Variants in PIKFYVE observed in about 807,000 individuals in gnomAD.
The protein encoded by PIKFYVE is phosphoinositide kinase, FYVE-type zinc finger containing.
In PIKFYVE, 122 loss-of-function variants were observed where a neutral mutation model predicts 257.9. The observed-to-expected ratio is 0.47, with a 90% CI of 0.41 to 0.55. PIKFYVE has a LOEUF of 0.55. Ranked by LOEUF, PIKFYVE falls within the 20% of genes least tolerant of loss-of-function variation. PIKFYVE has a pLI of 0.00. For synonymous variants in PIKFYVE, 892 were observed against 868.9 expected (o/e 1.03, Z -0.47); for missense variants, 2,160 against 2,536.6 (o/e 0.85, Z 3.19).
At chr2:208,350,994 C>T in intron 37 of PIKFYVE, 47 bp downstream of exon 37, 3 of 1,606,686 alleles carry the variant, frequency 1.9e-6, no homozygotes, top group Non-Finnish European at 1.7e-6. Flanking sequence ...GTCTTCATCT[C>T]TTTACCTCAG....
At chr2:208,351,782 C>T (rs559602393) in intron 38 of PIKFYVE, among the ~76,000 whole-genome samples, 1 of 152,298 alleles carries the variant, frequency 6.6e-6, no homozygotes, top group South Asian at 2.1e-4. Context: ...CTAACCAGAT[C>T]TTGCGTGAAC....
intron 4 of PIKFYVE, among the ~76,000 whole-genome samples, 194 bp downstream of exon 4, chr2:208,277,024 G>A (rs1690200245): frequency 6.6e-6 from 1 of 152,048 alleles, no homozygotes; most frequent in African/African-American, 2.4e-5. Context: ...GTTATCCTTA[G>A]TGCTTTTCGC....
intron 3 of PIKFYVE, among the ~76,000 whole-genome samples, chr2:208,276,255 A>G (rs959702173): frequency 4.6e-5 from 7 of 152,252 alleles, no homozygotes; most frequent in Admixed American, 4.6e-4. Context: ...TATATGGTCT[A>G]CAGATATAGA....
chr2:208,355,168 C>G, intron 41 of PIKFYVE, 22 bp from the exon 42 acceptor site: 1 of 1,580,802 alleles, frequency 6.3e-7, no homozygotes, highest in Non-Finnish European at 8.7e-7. Flanking sequence ...CTTTTTCCCC[C>G]TTTTCTCTTT....
intron 18 of PIKFYVE, 88 bp downstream of exon 18, chr2:208,324,370 T>G: frequency 7.2e-7 from 1 of 1,386,990 alleles, no homozygotes; most frequent in Non-Finnish European, 1.0e-6. Flanking sequence ...AAGAATCTTT[T>G]TTTCTTTGCT....
chr2:208,318,920 C>CA (rs1225568407), intron 16 of PIKFYVE, among the ~76,000 whole-genome samples: 2 of 132,658 alleles, frequency 1.5e-5, no homozygotes, highest in African/African-American at 5.6e-5. Context: ...CACTGCAGTG[C>CA]AGTCTGGGCA....
chr2:208,277,450 C>A, intron 4 of PIKFYVE, 87 bp from the exon 5 acceptor site: 1 of 1,460,006 alleles, frequency 6.8e-7, no homozygotes, highest in Non-Finnish European at 9.6e-7. Context: ...TTGTTTTCTG[C>A]AAAAGAAACC....
At chr2:208,297,673 A>T (rs1275124683) in intron 7 of PIKFYVE, among the ~76,000 whole-genome samples, 2 of 152,172 alleles carry the variant, frequency 1.3e-5, no homozygotes, top group Non-Finnish European at 2.9e-5. Context: ...GAAGATACAG[A>T]TACTGCCCTA....
At chr2:208,315,839 G>A (rs1023310245) in intron 15 of PIKFYVE, among the ~76,000 whole-genome samples, 4 of 24,690 alleles carry the variant, frequency 1.6e-4, no homozygotes, top group Non-Finnish European at 4.6e-4. Flanking sequence ...CATTTTTTGC[G>A]ATTTTTTTTT....
chr2:208,341,826 G>T lies in PIKFYVE; in HGVS notation c.4932-728G>T, dbSNP rs575954104. Among the ~76,000 whole-genome samples, 361 of 151,994 alleles carry T rather than the reference G, an allele frequency of 2.4e-3. 2 individuals carry two copies. Among genetic ancestry groups the T allele is most frequent in the Non-Finnish European group, 2.4e-3 (164 of 67,964 alleles). ...GGATTTTAACATATGAATTTTGTGGGAGCTGGGAGGGTAAACATTCATTCT... is the reference window on the plus strand; with the variant it reads ...GGATTTTAACATATGAATTTTGTGGTAGCTGGGAGGGTAAACATTCATTCT... On this transcript the variant is annotated intron_variant, in intron 31 of 41. Coordinates refer to ENST00000264380, the MANE Select transcript of PIKFYVE (RefSeq NM_015040.4).
At chr2:208,321,602 A>G (rs920591369) in intron 17 of PIKFYVE, among the ~76,000 whole-genome samples, 10 of 134,064 alleles carry the variant, frequency 7.5e-5, no homozygotes, top group African/African-American at 2.5e-4. Context: ...TTTGAGACGA[A>G]GTCTCGCTCT....
chr2:208,304,019 T>TTA (rs1350115371), intron 10 of PIKFYVE, 152 bp from the exon 11 acceptor site: 2 of 976,958 alleles, frequency 2.0e-6, no homozygotes, highest in Non-Finnish European at 3.1e-6. Flanking sequence ...TGATTCTGGT[T>TTA]TATAACTTGG....
intron 17 of PIKFYVE, among the ~76,000 whole-genome samples, chr2:208,322,445 G>A (rs1472029504): frequency 2.1e-5 from 3 of 140,534 alleles, no homozygotes; most frequent in Non-Finnish European, 4.6e-5. Flanking sequence ...AGGTTTTTTT[G>A]TTGTTCTTGT....
At position 208,326,086 on chromosome 2, in the gene PIKFYVE, A is replaced by G. The variant is rs1696892763; in HGVS notation, c.3275A>G (p.Asn1092Ser). Residue 1092 changes from asparagine to serine, a missense_variant, in exon 20 of 42, where the codon AAT becomes AGT. Asn to Ser is a conservative substitution (Grantham distance 46). Transcript: ENST00000264380. ...AEQVYWSPLL[N>S]KEFKEMENRR... ...CAGGTTTACTGGTCTCCTCTCCTCA[A>G]TAAAGAATTCAAAGAAATGGAGAAC... 1 of 1,614,058 alleles carries G rather than the reference A, an allele frequency of 6.2e-7. No individual in the cohort carries two copies. Among genetic ancestry groups the G allele is most frequent in the Admixed American group, 1.7e-5 (1 of 59,990 alleles).
intron 7 of PIKFYVE, among the ~76,000 whole-genome samples, 167 bp downstream of exon 7, chr2:208,288,985 T>TTCTCTCTCTGGAAAG (rs1691939720): frequency 6.6e-6 from 1 of 152,258 alleles, no homozygotes; most frequent in South Asian, 2.1e-4. Flanking sequence ...CTTGTTTCCA[T>TTCTCTCTCTGGAAAG]TCTCTCAGTG....
chr2:208,292,832 T>C (rs1692485046), intron 7 of PIKFYVE, among the ~76,000 whole-genome samples: 1 of 152,140 alleles, frequency 6.6e-6, no homozygotes. Context: ...TTGTAGACAA[T>C]GTATTTTTGG....
intron 13 of PIKFYVE, among the ~76,000 whole-genome samples, chr2:208,314,032 T>G (rs1037621247): frequency 1.3e-5 from 2 of 152,248 alleles, no homozygotes; most frequent in Admixed American, 6.5e-5. Context: ...TTCACAGTTC[T>G]GTTTCTGATT....
intron 28 of PIKFYVE, among the ~76,000 whole-genome samples, chr2:208,337,529 A>G (rs1529976): frequency 0.93 from 141,420 of 152,052 alleles, 66,292 homozygotes; most frequent in Non-Finnish European, 0.98. Flanking sequence ...ATCTATATCT[A>G]TCTATAGATC....
At chr2:208,268,865 A>G (rs1689038981) in intron 1 of PIKFYVE, among the ~76,000 whole-genome samples, 1 of 151,582 alleles carries the variant, frequency 6.6e-6, no homozygotes, top group Non-Finnish European at 1.5e-5. Flanking sequence ...TAATTTATTA[A>G]TTAAATTATT....
Sources: allele counts gnomAD v4.1 joint callset (sites outside exome capture counted in the v4.1 genomes callset), GRCh38; gene constraint gnomAD v4.1.1; transcripts MANE v1.5; gene names NCBI Gene and HGNC (gene_info 2026-07-23, HGNC 2026-07-21).